ZNF705A: variants seen among roughly 807,000 people sequenced by gnomAD.
ZNF705A encodes the protein zinc finger protein 705A.
In ZNF705A, 8 loss-of-function variants were observed where a neutral mutation model predicts 16.6. That is an observed-to-expected ratio of 0.48 (90% confidence interval 0.28 to 0.87). The LOEUF (loss-of-function observed/expected upper bound fraction) is 0.87, where lower values mean the gene tolerates loss of function less well. ZNF705A is among the 40% of genes least tolerant of loss of function. ZNF705A has a pLI of 0.10. For missense variants in ZNF705A, 233 were observed against 359.9 expected, an observed-to-expected ratio of 0.65 and a Z score of 2.85; for synonymous variants, 73 against 117.3, an observed-to-expected ratio of 0.62 and a Z score of 2.44.
intron 1 of ZNF705A, among the ~76,000 whole-genome samples, chr12:8,164,497 C>G (rs866730627): frequency 6.6e-6 from 1 of 152,208 alleles, no homozygotes. Flanking sequence ...CCACCTGCCT[C>G]CCAACAGGCC....
At chr12:8,157,252 A>C (rs1176939651) in intron 1 of ZNF705A, among the ~76,000 whole-genome samples, 160 bp downstream of exon 1, 1 of 152,158 alleles carries the variant, frequency 6.6e-6, no homozygotes, top group African/African-American at 2.4e-5. Flanking sequence ...TGTAGTCTGA[A>C]TTCTAAGTAA....
Position 8,172,653 on chromosome 12 carries a change from T to G in ZNF705A, c.12+16T>G, listed in dbSNP as rs1029156031. ...GCATTCACTAGTGAGTAGGGGATGC[T>G]TCTTTCTACTGAAATTATACCCATA... On this transcript the variant is annotated intron_variant, in intron 1 of 4. Transcript: ENST00000359286. 2 of 1,596,284 alleles carry G rather than the reference T, an allele frequency of 1.3e-6. No homozygotes were observed. Among genetic ancestry groups the G allele is most frequent in the Admixed American group, 1.7e-5 (1 of 59,994 alleles).
At chr12:8,171,641 A>C (rs896307171), upstream of ZNF705A, among the ~76,000 whole-genome samples, 2 of 152,150 alleles carry the variant, frequency 1.3e-5, no homozygotes, top group Non-Finnish European at 1.5e-5. Context: ...TACTCCTGCT[A>C]ATTTCTGATG....
At chr12:8,160,884 G>T (rs1403429454) in intron 1 of ZNF705A, among the ~76,000 whole-genome samples, 2 of 152,134 alleles carry the variant, frequency 1.3e-5, no homozygotes, top group African/African-American at 4.8e-5. Context: ...TACTGAGAGT[G>T]TGCATCCTTG....
exon 5 of ZNF705A, chr12:8,177,533 G>T: frequency 6.2e-7 from 1 of 1,612,422 alleles, no homozygotes; most frequent in Non-Finnish European, 8.5e-7. Flanking sequence ...GAAACCACAT[G>T]CTTGTCTTCT....
intron 2 of ZNF705A, among the ~76,000 whole-genome samples, chr12:8,174,710 T>C (rs1948471636): frequency 6.6e-6 from 1 of 152,254 alleles, no homozygotes. Flanking sequence ...CAGTCTCTAA[T>C]ACTCATAACA....
chr12:8,171,224 G>A (rs1403705704), upstream of ZNF705A, among the ~76,000 whole-genome samples: 1 of 152,096 alleles, frequency 6.6e-6, no homozygotes, highest in Non-Finnish European at 1.5e-5. Flanking sequence ...TGGACTTCAT[G>A]TACAAATGGG....
chr12:8,174,187 G>A, intron 1 of ZNF705A, 139 bp from the exon 3 acceptor site: 1 of 1,527,060 alleles, frequency 6.5e-7, no homozygotes, highest in Non-Finnish European at 8.8e-7. Flanking sequence ...TACCAGCTTA[G>A]TACTGAGAAT....
At chr12:8,165,510 T>C (rs1317908624) in intron 1 of ZNF705A, among the ~76,000 whole-genome samples, 1 of 149,250 alleles carries the variant, frequency 6.7e-6, no homozygotes, top group Non-Finnish European at 1.5e-5. Flanking sequence ...TAGCCAGATC[T>C]TTGCCCATTT....
At chr12:8,160,303 GCAGGCTC>G (rs1948343024) in intron 1 of ZNF705A, among the ~76,000 whole-genome samples, 1 of 151,984 alleles carries the variant, frequency 6.6e-6, no homozygotes, top group Non-Finnish European at 1.5e-5. Context: ...CTTTAACTAT[GCAGGCTC>G]CTTTTTGGTT....
exon 5 of ZNF705A, chr12:8,177,359 C>A (rs759225188): frequency 1.9e-6 from 3 of 1,611,928 alleles, no homozygotes; most frequent in South Asian, 1.1e-5. Flanking sequence ...GGGAGAGAGA[C>A]CATATAAGTG....
chr12:8,158,008 G>A (rs1948324002), intron 1 of ZNF705A, among the ~76,000 whole-genome samples: 2 of 152,062 alleles, frequency 1.3e-5, no homozygotes, highest in Admixed American at 6.6e-5. Context: ...ACACTGATTA[G>A]TGATTGGCTA....
chr12:8,167,285 C>T (rs1002430717), intron 1 of ZNF705A, among the ~76,000 whole-genome samples: 11 of 152,158 alleles, frequency 7.2e-5, no homozygotes, highest in Non-Finnish European at 1.0e-4. Context: ...TTAATCTTCA[C>T]ATTTTTACTT....
At chr12:8,166,275 A>G (rs140413986) in intron 1 of ZNF705A, among the ~76,000 whole-genome samples, 1 of 152,310 alleles carries the variant, frequency 6.6e-6, no homozygotes, top group East Asian at 1.9e-4. Flanking sequence ...TACTGGACAT[A>G]CAGGCTTTTC....
At chr12:8,172,762 A>T (rs992241994) in intron 1 of ZNF705A, 125 bp downstream of exon 2, 2 of 1,476,566 alleles carry the variant, frequency 1.4e-6, no homozygotes, top group Non-Finnish European at 1.8e-6. Context: ...TATGATGTAA[A>T]ATCCACCTAG....
chr12:8,163,317 T>C (rs867840527), intron 1 of ZNF705A, among the ~76,000 whole-genome samples: 3 of 151,842 alleles, frequency 2.0e-5, no homozygotes, highest in African/African-American at 4.8e-5. Context: ...GATATTTTTA[T>C]TTTTTTTTAA....
At chr12:8,175,562 C>G (rs1948478695) in intron 3 of ZNF705A, among the ~76,000 whole-genome samples, 1 of 152,088 alleles carries the variant, frequency 6.6e-6, no homozygotes, top group Non-Finnish European at 1.5e-5. Context: ...ATGTACTTGG[C>G]TGGGGTTAAA....
upstream of ZNF705A, among the ~76,000 whole-genome samples, chr12:8,169,093 A>C (rs1948423128): frequency 6.6e-6 from 1 of 152,126 alleles, no homozygotes; most frequent in Non-Finnish European, 1.5e-5. Context: ...CTATTGCTGT[A>C]TTTTAATTTA....
At chr12:8,174,058 A>G (rs1304917220) in intron 1 of ZNF705A, among the ~76,000 whole-genome samples, 2 of 152,230 alleles carry the variant, frequency 1.3e-5, no homozygotes, top group Non-Finnish European at 2.9e-5. Context: ...AGAGGTGATT[A>G]ACACATTACT....
Sources: allele counts gnomAD v4.1 joint callset (sites outside exome capture counted in the v4.1 genomes callset), GRCh38; gene constraint gnomAD v4.1.1; transcripts MANE v1.5; gene names NCBI Gene and HGNC (gene_info 2026-07-23, HGNC 2026-07-21).